Variants in MTHFD2 observed in about 807,000 individuals in gnomAD.
The protein encoded by MTHFD2 is bifunctional methylenetetrahydrofolate dehydrogenase/cyclohydrolase, mitochondrial.
Under a neutral mutation model 36.8 loss-of-function variants are expected in MTHFD2, and 26 were observed. The ratio of observed to expected loss-of-function variants is 0.71; its 90% CI spans 0.52 to 0.98. MTHFD2 has a LOEUF of 0.98. Among genes scored for constraint, MTHFD2 ranks in the 50% least tolerant of loss-of-function variants. The pLI, the probability that MTHFD2 is intolerant of heterozygous loss-of-function variation, is 0.00. For synonymous variants in MTHFD2, 164 were observed against 155.2 expected (o/e 1.06, Z -0.42); for missense variants, 373 against 434.0 (o/e 0.86, Z 1.25).
At chr2:74,199,036 G>T (rs1044720028) in intron 1 of MTHFD2, among the ~76,000 whole-genome samples, 1 of 152,238 alleles carries the variant, frequency 6.6e-6, no homozygotes, top group Non-Finnish European at 1.5e-5. Flanking sequence ...CGGGCGGGAC[G>T]GGGGTGGCGT....
intron 1 of MTHFD2, among the ~76,000 whole-genome samples, chr2:74,203,876 GT>G (rs34206840): frequency 1.5e-4 from 6 of 39,322 alleles, no homozygotes; most frequent in African/African-American, 1.1e-3. Flanking sequence ...GTTTAGTTTA[GT>G]TTAGTTTAGT....
intron 4 of MTHFD2, among the ~76,000 whole-genome samples, chr2:74,209,567 ATTTTTTC>A (rs1228650975): frequency 1.3e-5 from 2 of 149,556 alleles, no homozygotes; most frequent in Non-Finnish European, 3.0e-5. Flanking sequence ...TTTCTTTTTA[ATTTTTTC>A]TTTAAGAGTC....
At chr2:74,213,223 A>C (rs1301155414) in intron 7 of MTHFD2, among the ~76,000 whole-genome samples, 1 of 147,536 alleles carries the variant, frequency 6.8e-6, no homozygotes, top group Non-Finnish European at 1.5e-5. Context: ...AGTTCTTAAG[A>C]TAGAATGTTT....
chr2:74,200,104 T>C (rs1329378390), intron 1 of MTHFD2, among the ~76,000 whole-genome samples: 1 of 152,190 alleles, frequency 6.6e-6, no homozygotes, highest in African/African-American at 2.4e-5. Context: ...AGCAATGAGT[T>C]CTTGAAGGAA....
rs1418868319 is a variant in MTHFD2 at position 74,217,149 on chromosome 2, T to G, written c.*2907T>G. ...GGTGTTAATGATCTAGTGTCATTTT[T>G]CTTTAAAAAAGAAAGCACCTGCATT... On this transcript the variant is annotated 3_prime_UTR_variant, in exon 8 of 8. Coordinates refer to ENST00000394053, the MANE Select transcript of MTHFD2 (RefSeq NM_006636.4). 2 of 152,226 alleles carry G rather than the reference T, an allele frequency of 1.3e-5. No homozygotes were observed. The highest frequency in any genetic ancestry group is 4.8e-5 in the African/African-American group (2 of 41,464). 9.4% of individuals were successfully genotyped at this position (152,226 alleles called of 1,614,324 possible). A position where few individuals can be genotyped will look rare whatever the true frequency, so the allele number is the denominator to read the frequency against.
chr2:74,212,669 C>T (rs146865338), intron 7 of MTHFD2, among the ~76,000 whole-genome samples: 5 of 152,264 alleles, frequency 3.3e-5, no homozygotes, highest in African/African-American at 1.2e-4. Flanking sequence ...CAGTTATAAA[C>T]TTTTCAGGGA....
Position 74,214,375 on chromosome 2 carries a change from T to A in MTHFD2, c.*133T>A. On this transcript the variant is annotated 3_prime_UTR_variant, in exon 8 of 8. Transcript: ENST00000394053. ...TGATGCCTTGTATTTATTGAAAGCTTAAATGGGTGGGTGTTTCTGCACATA... is the reference window on the plus strand; with the variant it reads ...TGATGCCTTGTATTTATTGAAAGCTAAAATGGGTGGGTGTTTCTGCACATA... 3 of 1,040,098 alleles carry A rather than the reference T, an allele frequency of 2.9e-6. No homozygotes were observed. Among genetic ancestry groups the A allele is most frequent in the Non-Finnish European group, 2.7e-6 (2 of 735,274 alleles). 64.4% of individuals were successfully genotyped at this position (1,040,098 alleles called of 1,614,324 possible). A position where few individuals can be genotyped will look rare whatever the true frequency, so the allele number is the denominator to read the frequency against.
intron 4 of MTHFD2, 144 bp downstream of exon 4, chr2:74,208,865 GTTTT>G (rs550371266): frequency 2.3e-5 from 18 of 779,202 alleles, no homozygotes; most frequent in Non-Finnish European, 3.5e-5. Flanking sequence ...TCTCTTAACA[GTTTT>G]TTTTTTGTTT....
chr2:74,207,673 A>AT (rs1694213429), intron 2 of MTHFD2, 31 bp from the exon 3 acceptor site: 5 of 1,581,422 alleles, frequency 3.2e-6, no homozygotes, highest in Middle Eastern at 2.0e-4. Flanking sequence ...TGCCTCAAAA[A>AT]TTTTTTTAAC....
intron 6 of MTHFD2, 33 bp from the exon 7 acceptor site, chr2:74,211,708 T>A: frequency 6.3e-7 from 1 of 1,591,754 alleles, no homozygotes; most frequent in Non-Finnish European, 8.6e-7. Flanking sequence ...CTGTTTTCAG[T>A]ACTAAGTTGA....
At chr2:74,206,120 A>G in intron 2 of MTHFD2, 1 of 401,568 alleles carries the variant, frequency 2.5e-6, no homozygotes, top group Non-Finnish European at 4.5e-6. Flanking sequence ...TGGAAAGAAT[A>G]TAAGCTACAT....
intron 1 of MTHFD2, among the ~76,000 whole-genome samples, chr2:74,203,981 T>C (rs1037404229): frequency 2.0e-5 from 3 of 151,974 alleles, no homozygotes; most frequent in Admixed American, 1.3e-4. Context: ...TGGGGTGATA[T>C]CAGCTCACTG....
At chr2:74,206,001 CTAA>C in intron 2 of MTHFD2, 112 bp downstream of exon 2, 2 of 1,147,208 alleles carry the variant, frequency 1.7e-6, no homozygotes, top group South Asian at 1.5e-5. Flanking sequence ...GCAGAGGAGG[CTAA>C]TGTGATTGAA....
rs1449201831 is a variant in MTHFD2 at position 74,198,762 on chromosome 2, C to T, written c.101+20C>T. 1 of 1,585,020 alleles carries T rather than the reference C, an allele frequency of 6.3e-7. No homozygotes were observed. On this transcript the variant is annotated intron_variant, in intron 1 of 7. Transcript: ENST00000394053. ...AGTTCGGTAAGAGGGTCACAGAGCTCGGTCAGCGCGGAAAGCTGAGGGGAA... is the reference window on the plus strand; with the variant it reads ...AGTTCGGTAAGAGGGTCACAGAGCTTGGTCAGCGCGGAAAGCTGAGGGGAA...
At chr2:74,208,865 G>GT (rs550371266) in intron 4 of MTHFD2, 144 bp downstream of exon 4, 16,973 of 748,428 alleles carry the variant, frequency 0.023, no homozygotes, top group South Asian at 0.028. Context: ...TCTCTTAACA[G>GT]TTTTTTTTTT....
intron 2 of MTHFD2, 78 bp downstream of exon 2, chr2:74,205,967 C>CT: frequency 6.8e-7 from 1 of 1,465,578 alleles, no homozygotes; most frequent in Non-Finnish European, 9.3e-7. Context: ...TTTATGATTT[C>CT]TTTTTTCTGA....
intron 1 of MTHFD2, among the ~76,000 whole-genome samples, chr2:74,199,749 T>C (rs982526624): frequency 6.6e-5 from 10 of 150,536 alleles, no homozygotes; most frequent in African/African-American, 1.2e-4. Context: ...GTTTATGTTA[T>C]GTGAATTTTA....
chr2:74,217,221 A>G lies in MTHFD2; in HGVS notation c.*2979A>G, dbSNP rs1694471402. 1 of 152,192 alleles carries G rather than the reference A, an allele frequency of 6.6e-6. No individual in the cohort carries two copies. The highest frequency in any genetic ancestry group is 2.4e-5 in the African/African-American group (1 of 41,448). 9.4% of individuals were successfully genotyped at this position (152,192 alleles called of 1,614,324 possible). The stretch of plus-strand genomic sequence containing the variant: ...TAACTCTAACCTCAAGGTTCAAGTG[A>G]TTTACTCAAGGTTTAAATCATAGTT... On this transcript the variant is annotated 3_prime_UTR_variant, in exon 8 of 8. Transcript: ENST00000394053.
At position 74,207,743 on chromosome 2, in the gene MTHFD2, C is replaced by A; in HGVS notation, c.326C>A (p.Ser109Ter). The change falls in exon 3 of 8, where the codon TCA (serine) becomes TAA (stop). Residue 109 changes from serine to a stop codon, truncating the protein, a stop_gained. Coordinates refer to ENST00000394053, the MANE Select transcript of MTHFD2 (RefSeq NM_006636.4). LOFTEE classifies it high-confidence loss of function. Reference protein sequence around the residue: ...SETIMKPASISEEELLNLINK... With the variant: ...SETIMKPASI ...ACAATTATGAAACCAGCTTCAATTT[C>A]AGAGGAAGAATTGTTGAATTTAATC... 1 of 1,607,152 alleles carries A rather than the reference C, an allele frequency of 6.2e-7. No homozygotes were observed. Among genetic ancestry groups the A allele is most frequent in the Non-Finnish European group, 8.5e-7 (1 of 1,174,286 alleles).
Sources: allele counts gnomAD v4.1 joint callset (sites outside exome capture counted in the v4.1 genomes callset), GRCh38; gene constraint gnomAD v4.1.1; transcripts MANE v1.5; gene names NCBI Gene and HGNC (gene_info 2026-07-23, HGNC 2026-07-21).